PCDHGA3: variants seen among roughly 807,000 people sequenced by gnomAD.
PCDHGA3 encodes protocadherin gamma subfamily A, 3.
PCDHGA3 carries 40 observed loss-of-function variants against 58.5 expected under a neutral mutation model. The observed-to-expected ratio is 0.68, with a 90% confidence interval of 0.53 to 0.89. The LOEUF (loss-of-function observed/expected upper bound fraction) is 0.89, where lower values mean the gene tolerates loss of function less well. Among genes scored for constraint, PCDHGA3 ranks in the 40% least tolerant of loss-of-function variants. The probability of loss-of-function intolerance (pLI) is 0.00; values close to 1 mark genes in which losing one functional copy is unlikely to be tolerated. For synonymous variants in PCDHGA3, 530 were observed against 525.7 expected, an observed-to-expected ratio of 1.01 and a Z score of -0.11; for missense variants, 1,223 against 1,195.9, an observed-to-expected ratio of 1.02 and a Z score of -0.33.
intron 1 of PCDHGA3, chr5:141,419,209 G>C: frequency 6.2e-7 from 1 of 1,613,900 alleles, no homozygotes; most frequent in Admixed American, 1.7e-5. Context: ...ACAACGCGCC[G>C]GTTTTCGGAC....
chr5:141,371,477 G>A (rs1027262154), intron 1 of PCDHGA3: 3 of 1,613,854 alleles, frequency 1.9e-6, no homozygotes, highest in Non-Finnish European at 2.5e-6. Flanking sequence ...AAGATGCTGA[G>A]CTGGGGACTG....
At chr5:141,388,784 T>A in intron 1 of PCDHGA3, 1 of 1,613,942 alleles carries the variant, frequency 6.2e-7, no homozygotes, top group Non-Finnish European at 8.5e-7. Flanking sequence ...GGGAAATTAC[T>A]GTTTTAAATA....
intron 1 of PCDHGA3, chr5:141,400,367 C>A (rs372561902): frequency 6.8e-5 from 110 of 1,613,946 alleles, no homozygotes; most frequent in Non-Finnish European, 8.8e-5. Flanking sequence ...TTGCCTTATT[C>A]CTACAACCTA....
chr5:141,500,232 G>A (rs1024752888), intron 2 of PCDHGA3, among the ~76,000 whole-genome samples: 1 of 137,690 alleles, frequency 7.3e-6, no homozygotes, highest in South Asian at 2.3e-4. Flanking sequence ...TTATTGATAC[G>A]TAGCCTTGCT....
At chr5:141,445,294 T>G (rs1012635904) in intron 1 of PCDHGA3, among the ~76,000 whole-genome samples, 2 of 152,238 alleles carry the variant, frequency 1.3e-5, no homozygotes. Flanking sequence ...CAGGCTTCCA[T>G]TCTCTTCAGT....
chr5:141,357,163 TCG>T (rs1208679292), intron 1 of PCDHGA3: 1 of 1,613,606 alleles, frequency 6.2e-7, no homozygotes, highest in East Asian at 2.2e-5. Flanking sequence ...GCCCCCTCTC[TCG>T]GCCACCGTCA....
In PCDHGA3 at chr5:141,390,005, G is replaced by A. The variant is rs886109174; in HGVS notation, c.2424+43548G>A. 2.5e-6 allele frequency: 4 copies of A among 1,613,860 alleles called. No individual in the cohort carries two copies. In the African/African-American group the frequency reaches 5.3e-5, roughly 22 times the overall value. ...TGCTCTTCCTCGTGGCCATGATTCT[G>A]GCCATTGCCTTGCGCCTGCGACGCT... On this transcript the variant is annotated intron_variant, in intron 1 of 3. Coordinates refer to ENST00000253812, the MANE Select transcript of PCDHGA3 (RefSeq NM_018916.4).
At chr5:141,507,786 G>A (rs536470814) in intron 3 of PCDHGA3, among the ~76,000 whole-genome samples, 3 of 152,292 alleles carry the variant, frequency 2.0e-5, no homozygotes, top group East Asian at 1.9e-4. Context: ...CCTGACCCTC[G>A]TCTAAGCCTG....
At chr5:141,350,875 T>G (rs771000230) in intron 1 of PCDHGA3, 17 of 1,613,960 alleles carry the variant, frequency 1.1e-5, no homozygotes, top group Non-Finnish European at 1.4e-5. Flanking sequence ...AGAGCTCTCA[T>G]CGCTTAATCC....
Position 141,491,844 on chromosome 5 carries a change from G to A in PCDHGA3, c.2425-2963G>A. On this transcript the variant is annotated intron_variant, in intron 1 of 3. Transcript: ENST00000253812. The surrounding 1 kb of genome is among the most constrained non-coding windows in gnomAD (Gnocchi z 6.9). ...GCTCCACCCGATTCTCGGGATCATT[G>A]GACCGTTTGCGCGAAACCAGAGTGG... 1 of 1,464,184 alleles carries A rather than the reference G, an allele frequency of 6.8e-7. No homozygotes were observed. 90.7% of individuals were successfully genotyped at this position (1,464,184 alleles called of 1,614,324 possible).
At chr5:141,351,835 G>T (rs769087131) in intron 1 of PCDHGA3, 1 of 1,613,110 alleles carries the variant, frequency 6.2e-7, no homozygotes. Flanking sequence ...GCGCCTTCGA[G>T]CTCACACTGC....
chr5:141,506,870 G>A (rs2099856877), intron 3 of PCDHGA3, among the ~76,000 whole-genome samples: 1 of 152,166 alleles, frequency 6.6e-6, no homozygotes, highest in East Asian at 1.9e-4. Flanking sequence ...GGTGGGTAGA[G>A]AACCAGGTGA....
intron 1 of PCDHGA3, chr5:141,423,426 G>A: frequency 6.2e-7 from 1 of 1,614,028 alleles, no homozygotes; most frequent in Non-Finnish European, 8.5e-7. Context: ...AAGGCGGGTT[G>A]GCAGGTATGC....
At chr5:141,394,108 T>C in intron 1 of PCDHGA3, 1 of 1,613,972 alleles carries the variant, frequency 6.2e-7, no homozygotes, top group Non-Finnish European at 8.5e-7. Context: ...ACACCACCTC[T>C]GTCCACTGAA....
intron 1 of PCDHGA3, among the ~76,000 whole-genome samples, chr5:141,347,664 G>A (rs1036942493): frequency 5.9e-5 from 9 of 151,908 alleles, no homozygotes; most frequent in African/African-American, 2.2e-4. Flanking sequence ...GTGGGCGCCT[G>A]TAATCCAAGC....
chr5:141,351,276 A>G lies in PCDHGA3; in HGVS notation c.2424+4819A>G, dbSNP rs202007643. 8 of 1,613,958 alleles carry G rather than the reference A, an allele frequency of 5.0e-6. No individual in the cohort carries two copies. The highest frequency in any genetic ancestry group is 6.8e-6 in the Non-Finnish European group (8 of 1,179,840). ...ATAGAAATTGTTGACGAGAATGACA[A>G]TGCCCCAGAGGTGACATTCATGTCC... On this transcript the variant is annotated intron_variant, in intron 1 of 3. Coordinates refer to ENST00000253812, the MANE Select transcript of PCDHGA3 (RefSeq NM_018916.4).
chr5:141,438,623 TATATATATATATACAC>T (rs1207200307), intron 1 of PCDHGA3, among the ~76,000 whole-genome samples: 21 of 42,842 alleles, frequency 4.9e-4, no homozygotes, highest in South Asian at 2.6e-3. Flanking sequence ...TATATATATA[TATATATATATATACAC>T]ACACACACAC....
chr5:141,446,087 A>G (rs2154561251), intron 1 of PCDHGA3, among the ~76,000 whole-genome samples: 1 of 152,370 alleles, frequency 6.6e-6, no homozygotes, highest in Non-Finnish European at 1.5e-5. Flanking sequence ...GTAGAAATAA[A>G]TGGATGAATT....
intron 1 of PCDHGA3, chr5:141,359,943 T>C (rs1020359100): frequency 6.0e-6 from 3 of 500,182 alleles, no homozygotes; most frequent in Non-Finnish European, 9.9e-6. Flanking sequence ...GCGTCGCTGT[T>C]GGTCAAAAGA....
Sources: allele counts gnomAD v4.1 joint callset (sites outside exome capture counted in the v4.1 genomes callset), GRCh38; gene constraint gnomAD v4.1.1; non-coding constraint Gnocchi (gnomAD v3.1); transcripts MANE v1.5; gene names NCBI Gene and HGNC (gene_info 2026-07-23, HGNC 2026-07-21).